UCHL3: variants seen among roughly 807,000 people sequenced by gnomAD.
UCHL3 encodes ubiquitin carboxyl-terminal hydrolase isozyme L3.
A neutral mutation model predicts 35.8 loss-of-function variants in UCHL3; 22 were observed. The ratio of observed to expected loss-of-function variants is 0.61; its 90% confidence interval spans 0.44 to 0.88. The LOEUF (loss-of-function observed/expected upper bound fraction) is 0.88. UCHL3 is among the 40% of genes least tolerant of loss of function. The pLI, the probability that UCHL3 is intolerant of heterozygous loss-of-function variation, is 0.00. For missense variants in UCHL3, 229 were observed against 276.9 expected (o/e 0.83, Z 1.23); for synonymous variants, 90 against 92.8 (o/e 0.97, Z 0.17).
intron 7 of UCHL3, among the ~76,000 whole-genome samples, chr13:75,597,649 G>T (rs2032678266): frequency 6.6e-6 from 1 of 152,148 alleles, no homozygotes. Flanking sequence ...ATACCATTTA[G>T]GTAGAGTATG....
chr13:75,588,500 T>A (rs2032389802), intron 6 of UCHL3, among the ~76,000 whole-genome samples: 1 of 152,220 alleles, frequency 6.6e-6, no homozygotes, highest in African/African-American at 2.4e-5. Flanking sequence ...TATACACTTT[T>A]GTTCCCATAT....
At chr13:75,571,976 C>CTGTCT (rs6145127) in intron 6 of UCHL3, among the ~76,000 whole-genome samples, 14,384 of 143,046 alleles carry the variant, frequency 0.1, 791 homozygotes, top group African/African-American at 0.11. Context: ...TTTCCTAACC[C>CTGTCT]TGTCTTGTCT....
chr13:75,604,716 A>C, intron 7 of UCHL3, 53 bp from the exon 8 acceptor site: 1 of 1,486,170 alleles, frequency 6.7e-7, no homozygotes, highest in South Asian at 1.3e-5. Context: ...AGTTGAAAGC[A>C]CATTATCCTG....
At chr13:75,573,308 T>G (rs2031920654) in intron 6 of UCHL3, among the ~76,000 whole-genome samples, 2 of 151,798 alleles carry the variant, frequency 1.3e-5, no homozygotes, top group South Asian at 4.2e-4. Context: ...TCTATGGGCT[T>G]AAGAGTGTTC....
chr13:75,586,777 A>G (rs1289193493), intron 6 of UCHL3, among the ~76,000 whole-genome samples: 2 of 151,992 alleles, frequency 1.3e-5, no homozygotes, highest in African/African-American at 4.8e-5. Context: ...TAAATAATTC[A>G]TGGATCAAAG....
At chr13:75,554,756 G>T (rs9543973) in intron 2 of UCHL3, among the ~76,000 whole-genome samples, 1 of 150,712 alleles carries the variant, frequency 6.6e-6, no homozygotes, top group Non-Finnish European at 1.5e-5. Context: ...AAACTTTTTT[G>T]TTTTTTTAAA....
intron 2 of UCHL3, among the ~76,000 whole-genome samples, chr13:75,555,121 C>T (rs930083900): frequency 3.3e-5 from 5 of 152,124 alleles, no homozygotes; most frequent in African/African-American, 4.8e-5. Context: ...CTGCAGTCTT[C>T]GAATGTGGAG....
intron 3 of UCHL3, 76 bp from the exon 4 acceptor site, chr13:75,566,619 A>G: frequency 1.1e-6 from 1 of 922,920 alleles, no homozygotes; most frequent in Non-Finnish European, 1.5e-6. Flanking sequence ...TATCATTTGC[A>G]TTTTTTCTTT....
chr13:75,560,741 T>G lies in UCHL3; in HGVS notation c.55-12T>G. ...GTTCCATTGTTTTTTTTTTCTTTCT[T>G]TCTTTTACCAGTTTCTTAAACAATT... is the stretch of plus-strand genomic sequence containing the variant. On this transcript the variant is annotated splice_polypyrimidine_tract_variant and intron_variant, in intron 2 of 8. Transcript: ENST00000377595. 1 of 1,592,918 alleles carries G rather than the reference T, an allele frequency of 6.3e-7. No individual in the cohort carries two copies.
intron 3 of UCHL3, among the ~76,000 whole-genome samples, chr13:75,565,683 G>A (rs969080096): frequency 5.9e-5 from 9 of 152,236 alleles, no homozygotes; most frequent in Admixed American, 2.0e-4. Flanking sequence ...CAGTGGGCCA[G>A]ATTTGGCCTG....
At chr13:75,561,850 C>CATACGTATACATATATACATACGTAT (rs1566211630) in intron 3 of UCHL3, among the ~76,000 whole-genome samples, 38 of 49,762 alleles carry the variant, frequency 7.6e-4, no homozygotes, top group South Asian at 4.1e-3. Flanking sequence ...TATACGTATA[C>CATACGTATACATATATACATACGTAT]ATACGTATAC....
Position 75,560,737 on chromosome 13 carries a change from T to G in UCHL3, c.55-16T>G. The stretch of plus-strand genomic sequence containing the variant: ...TAATGTTCCATTGTTTTTTTTTTCT[T>G]TCTTTCTTTTACCAGTTTCTTAAAC... On this transcript the variant is annotated splice_polypyrimidine_tract_variant and intron_variant, in intron 2 of 8. Transcript: ENST00000377595. 1 of 1,588,888 alleles carries G rather than the reference T, an allele frequency of 6.3e-7. No homozygotes were observed. Among genetic ancestry groups the G allele is most frequent in the African/African-American group, 1.4e-5 (1 of 73,036 alleles).
At chr13:75,571,777 C>T (rs968616129) in intron 6 of UCHL3, among the ~76,000 whole-genome samples, 66 of 152,240 alleles carry the variant, frequency 4.3e-4, no homozygotes, top group African/African-American at 1.5e-3. Flanking sequence ...GCTGTGTACT[C>T]CCATAAGAAT....
intron 7 of UCHL3, among the ~76,000 whole-genome samples, chr13:75,600,490 AG>A (rs1164156988): frequency 6.6e-6 from 1 of 152,186 alleles, no homozygotes; most frequent in African/African-American, 2.4e-5. Flanking sequence ...AGAAAATTTT[AG>A]GGTCCTTAAG....
At chr13:75,579,505 T>C (rs1363005127) in intron 6 of UCHL3, among the ~76,000 whole-genome samples, 2 of 152,038 alleles carry the variant, frequency 1.3e-5, no homozygotes, top group Non-Finnish European at 2.9e-5. Context: ...ATTGCTTGAA[T>C]AGAGGCCTTC....
chr13:75,557,859 T>A (rs749754487), intron 2 of UCHL3, among the ~76,000 whole-genome samples: 1 of 152,074 alleles, frequency 6.6e-6, no homozygotes, highest in Non-Finnish European at 1.5e-5. Context: ...AGCTAACTGC[T>A]AACATTTTAG....
chr13:75,587,080 G>T (rs998104914), intron 6 of UCHL3, among the ~76,000 whole-genome samples: 1 of 147,694 alleles, frequency 6.8e-6, no homozygotes, highest in Non-Finnish European at 1.5e-5. Context: ...AATAACAAAG[G>T]TAAAAGCAGA....
chr13:75,555,321 C>T (rs1406007710), intron 2 of UCHL3, among the ~76,000 whole-genome samples: 1 of 152,200 alleles, frequency 6.6e-6, no homozygotes, highest in Non-Finnish European at 1.5e-5. Context: ...ATTTTCTTCA[C>T]AGTACTTCCC....
intron 7 of UCHL3, among the ~76,000 whole-genome samples, chr13:75,597,139 A>G (rs1050291068): frequency 5.3e-5 from 8 of 152,224 alleles, no homozygotes; most frequent in Admixed American, 5.2e-4. Flanking sequence ...TGCAGATCTA[A>G]TAAATTCAAA....
Sources: gnomAD v4.1 joint callset for allele counts (sites outside exome capture counted in the v4.1 genomes callset) on GRCh38, gnomAD v4.1.1 for gene constraint, MANE v1.5 for transcripts, NCBI Gene and HGNC (gene_info 2026-07-23, HGNC 2026-07-21) for gene names.